TSPAN7: variants seen among roughly 807,000 people sequenced by gnomAD.
The protein encoded by TSPAN7 is tetraspanin-7.
TSPAN7 carries 1 observed loss-of-function variant against 17.6 expected under a neutral mutation model. The ratio of observed to expected loss-of-function variants is 0.06; its 90% confidence interval spans 0.02 to 0.27. The LOEUF (loss-of-function observed/expected upper bound fraction) is 0.27, where lower values mean the gene tolerates loss of function less well. Ranked by LOEUF, TSPAN7 falls within the 10% of genes least tolerant of loss-of-function variation. TSPAN7 has a pLI of 1.00. For missense variants in TSPAN7, 112 were observed against 201.7 expected, an observed-to-expected ratio of 0.56 and a Z score of 2.69; for synonymous variants, 78 against 79.0, an observed-to-expected ratio of 0.99 and a Z score of 0.07.
intron 1 of TSPAN7, chrX:38,570,830 A>T (rs1436612152): frequency 1.8e-5 from 2 of 111,659 alleles, no homozygotes; most frequent in East Asian, 5.6e-4. Context: ...TCTTGGCTGA[A>T]CATTTTTTTC....
chrX:38,672,308 GT>G (rs750276053), intron 3 of TSPAN7, among the ~76,000 whole-genome samples: 93 of 104,076 alleles, frequency 8.9e-4, no homozygotes, highest in African/African-American at 2.7e-3. Context: ...CCCAGGCCCT[GT>G]TTTTTTTTTT....
chrX:38,679,371 G>A (rs1425081325), intron 5 of TSPAN7, among the ~76,000 whole-genome samples: 1 of 112,195 alleles, frequency 8.9e-6, no homozygotes, highest in African/African-American at 3.2e-5. Context: ...GCAGGGAGAA[G>A]ATATAGTAAT....
intron 1 of TSPAN7, among the ~76,000 whole-genome samples, chrX:38,585,288 T>C (rs771976743): frequency 1.8e-5 from 2 of 112,065 alleles, no homozygotes; most frequent in African/African-American, 6.5e-5. Context: ...TCTTCAGCAC[T>C]TCCTCTTATT....
chrX:38,677,343 T>G lies in TSPAN7; in HGVS notation c.597+1483T>G, dbSNP rs183452106. ...CCTGGCACAGATTATGACACAGATGTGATACATGTTAACTGTAATACAAAT... is the reference window on the plus strand; with the variant it reads ...CCTGGCACAGATTATGACACAGATGGGATACATGTTAACTGTAATACAAAT... On this transcript the variant is annotated intron_variant, in intron 5 of 7. Transcript: ENST00000378482. 4.4e-5 allele frequency among the ~76,000 whole-genome samples: 5 copies of G among 112,652 alleles called. No homozygotes were observed. In the East Asian group the frequency reaches 1.4e-3, roughly 31 times the overall value.
intron 1 of TSPAN7, among the ~76,000 whole-genome samples, chrX:38,569,167 G>C (rs1212111135): frequency 9.0e-6 from 1 of 111,020 alleles, no homozygotes; most frequent in Non-Finnish European, 1.9e-5. Flanking sequence ...TTAGCCTGAA[G>C]TACGTGTTTA....
chrX:38,598,675 G>A (rs1292296816), intron 1 of TSPAN7, among the ~76,000 whole-genome samples: 1 of 110,962 alleles, frequency 9.0e-6, no homozygotes, highest in Non-Finnish European at 1.9e-5. Context: ...ATTAGAATTT[G>A]GGGGTGAGTC....
chrX:38,679,107 G>T (rs2069873877), intron 5 of TSPAN7, among the ~76,000 whole-genome samples: 1 of 112,083 alleles, frequency 8.9e-6, no homozygotes, highest in African/African-American at 3.2e-5. Context: ...GGTTGGAGTG[G>T]CCTTACCAAA....
intron 1 of TSPAN7, among the ~76,000 whole-genome samples, chrX:38,562,619 C>T (rs2069119399): frequency 9.1e-6 from 1 of 110,159 alleles, no homozygotes; most frequent in African/African-American, 3.3e-5. Context: ...TGCCTTACCT[C>T]ATCCTGTTTG....
intron 1 of TSPAN7, chrX:38,656,237 T>G: frequency 5.3e-6 from 1 of 189,936 alleles, no homozygotes; most frequent in Non-Finnish European, 1.0e-5. Flanking sequence ...AAAATCTTGA[T>G]GTATTAATAC....
At chrX:38,670,535 A>G (rs2069814413) in intron 2 of TSPAN7, among the ~76,000 whole-genome samples, 1 of 112,495 alleles carries the variant, frequency 8.9e-6, no homozygotes, top group African/African-American at 3.2e-5. Flanking sequence ...TCCACGCAGC[A>G]TCCCGAACAA....
At chrX:38,564,720 T>C (rs941730187) in intron 1 of TSPAN7, among the ~76,000 whole-genome samples, 4 of 112,381 alleles carry the variant, frequency 3.6e-5, no homozygotes, top group African/African-American at 1.3e-4. Flanking sequence ...ATTTCCCTGA[T>C]GTGTAATGAT....
chrX:38,592,521 T>C (rs1016874096), intron 1 of TSPAN7, among the ~76,000 whole-genome samples: 2 of 111,129 alleles, frequency 1.8e-5, no homozygotes, highest in Non-Finnish European at 3.8e-5. Context: ...ACCTGTTAGC[T>C]TATTAGCTAT....
intron 1 of TSPAN7, among the ~76,000 whole-genome samples, chrX:38,657,451 G>T (rs766393166): frequency 2.7e-5 from 3 of 111,860 alleles, no homozygotes; most frequent in East Asian, 2.8e-4. Flanking sequence ...AGAGTATTCA[G>T]TCTCTAGCCA....
intron 1 of TSPAN7, among the ~76,000 whole-genome samples, chrX:38,645,300 A>G (rs1217512005): frequency 8.9e-6 from 1 of 112,335 alleles, no homozygotes; most frequent in Non-Finnish European, 1.9e-5. Flanking sequence ...GTCCACCTTG[A>G]CAGGGTCCCC....
At chrX:38,599,746 C>T (rs184367193) in intron 1 of TSPAN7, among the ~76,000 whole-genome samples, 5 of 111,415 alleles carry the variant, frequency 4.5e-5, no homozygotes, top group African/African-American at 9.8e-5. Context: ...AGCAACTGTG[C>T]GAGACTTGTG....
chrX:38,589,341 CA>C (rs1227304759), intron 1 of TSPAN7, among the ~76,000 whole-genome samples: 1 of 111,853 alleles, frequency 8.9e-6, no homozygotes, highest in Non-Finnish European at 1.9e-5. Context: ...TCCTGAGGTT[CA>C]TTTATTTAGC....
chrX:38,666,321 A>G lies in TSPAN7; in HGVS notation c.270+12A>G. On this transcript the variant is annotated intron_variant, in intron 2 of 7. Coordinates refer to ENST00000378482, the MANE Select transcript of TSPAN7 (RefSeq NM_004615.4). ...GGATGCTGAAACTGGTGAGTATGTC[A>G]CAACATAATACTGCTTTCTCAACTA... 1 of 1,198,090 alleles carries G rather than the reference A, an allele frequency of 8.3e-7. No homozygotes were observed. Among genetic ancestry groups the G allele is most frequent in the Non-Finnish European group, 1.1e-6 (1 of 883,010 alleles).
chrX:38,583,566 A>G, intron 1 of TSPAN7, among the ~76,000 whole-genome samples: 1 of 112,341 alleles, frequency 8.9e-6, no homozygotes, highest in Non-Finnish European at 1.9e-5. Context: ...AAACAAGAAA[A>G]TAAATATGTT....
chrX:38,638,935 G>A (rs1018106291), intron 1 of TSPAN7, among the ~76,000 whole-genome samples: 4 of 111,507 alleles, frequency 3.6e-5, no homozygotes, highest in African/African-American at 1.3e-4. Context: ...GGGGAAAGAC[G>A]AAGTGTCTTT....
Sources: allele counts gnomAD v4.1 joint callset (sites outside exome capture counted in the v4.1 genomes callset), GRCh38; gene constraint gnomAD v4.1.1; transcripts MANE v1.5; gene names NCBI Gene and HGNC (gene_info 2026-07-23, HGNC 2026-07-21).